The following LMO1 variants were observed in gnomAD, a reference collection of about 807,000 sequenced individuals.
The protein encoded by LMO1 is LIM domain only 1.
LMO1 carries 10 observed loss-of-function variants against 18.0 expected under a neutral mutation model. That is an observed-to-expected ratio of 0.55 (90% CI 0.34 to 0.94). The LOEUF (loss-of-function observed/expected upper bound fraction) is 0.94, where lower values mean the gene tolerates loss of function less well. LMO1 is among the 40% of genes least tolerant of loss of function. LMO1 has a pLI of 0.02. For synonymous variants in LMO1, 77 were observed against 77.9 expected, an observed-to-expected ratio of 0.99 and a Z score of 0.06; for missense variants, 183 against 205.7, an observed-to-expected ratio of 0.89 and a Z score of 0.68.
rs908864812 is a variant in LMO1, at chr11:8,253,424, C to G, written c.25+9914G>C. On this transcript the variant is annotated intron_variant, in intron 1 of 3. Transcript: ENST00000335790. ...CCTAAAAGGTAAACGTGATCATACC[C>G]ATTTTACTACTTGGAATTATTATTA... Among the ~76,000 whole-genome samples, 79 of 152,170 alleles carry G rather than the reference C, an allele frequency of 5.2e-4. 1 individual carries two copies. The highest frequency in any genetic ancestry group is 1.0e-4 in the Non-Finnish European group (7 of 68,026).
intron 1 of LMO1, among the ~76,000 whole-genome samples, chr11:8,253,328 G>T (rs1847036188): frequency 6.6e-6 from 1 of 152,170 alleles, no homozygotes; most frequent in Admixed American, 6.5e-5. Context: ...CAGTACCCCA[G>T]GGAGGACAGA....
chr11:8,261,107 C>T (rs1485139174), intron 1 of LMO1, among the ~76,000 whole-genome samples: 1 of 152,122 alleles, frequency 6.6e-6, no homozygotes, highest in Admixed American at 6.5e-5. Context: ...GCAGAAACGT[C>T]GCTTTTGAAA....
chr11:8,244,243 A>G (rs907942380), intron 1 of LMO1, among the ~76,000 whole-genome samples: 1 of 152,182 alleles, frequency 6.6e-6, no homozygotes, highest in Non-Finnish European at 1.5e-5. Context: ...CCTAGCCCCC[A>G]GCTTGGGAGT....
rs1040497572 is a variant in LMO1, at chr11:8,250,947, C to T, written c.25+12391G>A. Among the ~76,000 whole-genome samples the T allele has an allele frequency of 2.0e-5, 3 of 152,210 alleles. No individual in the cohort carries two copies. In the South Asian group the frequency reaches 6.2e-4, roughly 32 times the overall value. On this transcript the variant is annotated intron_variant, in intron 1 of 3. Coordinates refer to ENST00000335790, the MANE Select transcript of LMO1 (RefSeq NM_002315.3). ...TCCCCTCTACCTCCTAATTGAGACTCTACCTGGAAACAGCAGGGGACAGGG... is the reference window on the plus strand; with the variant it reads ...TCCCCTCTACCTCCTAATTGAGACTTTACCTGGAAACAGCAGGGGACAGGG...
intron 1 of LMO1, among the ~76,000 whole-genome samples, chr11:8,248,629 A>T (rs1846935944): frequency 6.6e-6 from 1 of 152,228 alleles, no homozygotes; most frequent in South Asian, 2.1e-4. Flanking sequence ...CTGGAGTAGA[A>T]ATAGGTAAGG....
In LMO1 at chr11:8,241,794, A is replaced by C. The variant is rs948057932; in HGVS notation, c.26-11290T>G. 3.5e-4 allele frequency among the ~76,000 whole-genome samples: 54 copies of C among 152,166 alleles called. 1 individual carries two copies. The highest frequency in any genetic ancestry group is 1.2e-3 in the African/African-American group (48 of 41,504). ...TACTTTTCTGTGAGTTTCAAAAAAAAAAAAAACAAAAAAAAGTCTGATTGA... is the reference window on the plus strand; with the variant it reads ...TACTTTTCTGTGAGTTTCAAAAAAACAAAAAACAAAAAAAAGTCTGATTGA... On this transcript the variant is annotated intron_variant, in intron 1 of 3. Coordinates refer to ENST00000335790, the MANE Select transcript of LMO1 (RefSeq NM_002315.3).
At chr11:8,266,598 T>A (rs867397813), upstream of LMO1, among the ~76,000 whole-genome samples, 2 of 152,268 alleles carry the variant, frequency 1.3e-5, no homozygotes, top group South Asian at 2.1e-4. Context: ...AAGGTTAGTT[T>A]AAGGAGAAAG....
chr11:8,268,091 G>A (rs1186718128), upstream of LMO1, among the ~76,000 whole-genome samples: 1 of 152,262 alleles, frequency 6.6e-6, no homozygotes, highest in Non-Finnish European at 1.5e-5. Flanking sequence ...CCGCGGTGCG[G>A]GTCGCAGAGG....
chr11:8,268,486 C>G (rs1847283906), upstream of LMO1: 1 of 1,383,088 alleles, frequency 7.2e-7, no homozygotes, highest in East Asian at 3.1e-5. Context: ...GCCGAGGATA[C>G]GGAGGGGCGC....
intron 1 of LMO1, among the ~76,000 whole-genome samples, chr11:8,253,919 G>T (rs1847046813): frequency 6.6e-6 from 1 of 152,070 alleles, no homozygotes; most frequent in South Asian, 2.1e-4. Flanking sequence ...CCCAGTGAGG[G>T]CCGACAGAAT....
At chr11:8,229,592 G>A (rs759518210) in intron 2 of LMO1, among the ~76,000 whole-genome samples, 1 of 152,236 alleles carries the variant, frequency 6.6e-6, no homozygotes, top group Non-Finnish European at 1.5e-5. Flanking sequence ...ATTGGGGGAG[G>A]TGGCCCCAGG....
intron 1 of LMO1, among the ~76,000 whole-genome samples, chr11:8,239,536 T>G (rs566467617): frequency 4.3e-4 from 66 of 152,014 alleles, no homozygotes; most frequent in Non-Finnish European, 6.6e-4. Flanking sequence ...AGCCTTGAGA[T>G]GGCACACGTC....
chr11:8,235,262 C>T (rs1381195132), intron 1 of LMO1, among the ~76,000 whole-genome samples: 1 of 152,198 alleles, frequency 6.6e-6, no homozygotes, highest in Non-Finnish European at 1.5e-5. Flanking sequence ...TTCCTGTAAG[C>T]CCTTCACCCA....
chr11:8,230,210 G>A, intron 2 of LMO1, 81 bp downstream of exon 2: 1 of 1,285,916 alleles, frequency 7.8e-7, no homozygotes. Context: ...CTAGGGCCGG[G>A]GGCACAGTCA....
At chr11:8,238,670 CAAA>C (rs11375128) in intron 1 of LMO1, among the ~76,000 whole-genome samples, 1 of 60,878 alleles carries the variant, frequency 1.6e-5, no homozygotes, top group East Asian at 4.6e-4. Context: ...GACTCCATCT[CAAA>C]AAAAAAAAAA....
At position 8,239,627 on chromosome 11, in the gene LMO1, T is replaced by C. The variant is rs548955104; in HGVS notation, c.26-9123A>G. On this transcript the variant is annotated intron_variant, in intron 1 of 3. Coordinates refer to ENST00000335790, the MANE Select transcript of LMO1 (RefSeq NM_002315.3). The stretch of plus-strand genomic sequence containing the variant: ...GCCTCAACCAACAGCCAGGGCCTTG[T>C]GTGTGAATGAGGGGATGGGTAGGGC... Among the ~76,000 whole-genome samples, 235 of 151,440 alleles carry C rather than the reference T, an allele frequency of 1.6e-3. 1 individual carries two copies. The highest frequency in any genetic ancestry group is 5.5e-3 in the African/African-American group (225 of 41,246).
chr11:8,255,553 A>G (rs923643448), intron 1 of LMO1, among the ~76,000 whole-genome samples: 4 of 152,176 alleles, frequency 2.6e-5, no homozygotes, highest in Non-Finnish European at 5.9e-5. Context: ...TCTCTGCCAT[A>G]AGAACAAGTC....
chr11:8,262,732 G>A (rs372414127), intron 1 of LMO1, among the ~76,000 whole-genome samples: 1 of 152,174 alleles, frequency 6.6e-6, no homozygotes, highest in Non-Finnish European at 1.5e-5. Flanking sequence ...TAGCGGGCCG[G>A]CACAAGAGGC....
chr11:8,256,388 G>A (rs1288675126), intron 1 of LMO1, among the ~76,000 whole-genome samples: 1 of 152,174 alleles, frequency 6.6e-6, no homozygotes, highest in African/African-American at 2.4e-5. Context: ...CAAAACCCAG[G>A]TTTTCTGAAT....
Sources: allele counts gnomAD v4.1 joint callset (sites outside exome capture counted in the v4.1 genomes callset), GRCh38; gene constraint gnomAD v4.1.1; transcripts MANE v1.5; gene names NCBI Gene and HGNC (gene_info 2026-07-23, HGNC 2026-07-21).